The following AMBRA1 variants were observed in gnomAD, a reference collection of about 807,000 sequenced individuals.
AMBRA1 encodes activating molecule in BECN1-regulated autophagy protein 1.
A neutral mutation model predicts 125.4 loss-of-function variants in AMBRA1; 47 were observed. The observed-to-expected ratio is 0.37, with a 90% CI of 0.30 to 0.48. The LOEUF (loss-of-function observed/expected upper bound fraction) is 0.48. Among genes scored for constraint, AMBRA1 ranks in the 20% least tolerant of loss-of-function variants. The pLI is 0.99. For synonymous variants in AMBRA1, 626 were observed against 655.5 expected (o/e 0.95, Z 0.69); for missense variants, 1,331 against 1,693.4 (o/e 0.79, Z 3.76).
intron 1 of AMBRA1, among the ~76,000 whole-genome samples, chr11:46,585,696 ATAT>A (rs1404153405): frequency 2.5e-3 from 41 of 16,100 alleles, no homozygotes; most frequent in African/African-American, 0.01. Context: ...AAAAAAAAAA[ATAT>A]ATATATATAT....
intron 17 of AMBRA1, among the ~76,000 whole-genome samples, chr11:46,404,083 G>A (rs1231819956): frequency 1.3e-5 from 2 of 152,232 alleles, no homozygotes; most frequent in East Asian, 1.9e-4. Context: ...GCGTGTGCCA[G>A]GAGGCTGAGG....
chr11:46,568,150 AAAAAT>A (rs758524915), intron 1 of AMBRA1, among the ~76,000 whole-genome samples: 11 of 151,698 alleles, frequency 7.3e-5, no homozygotes, highest in Non-Finnish European at 1.0e-4. Context: ...TCTGTCTTAA[AAAAAT>A]AAAATAAAAT....
intron 1 of AMBRA1, among the ~76,000 whole-genome samples, chr11:46,565,592 A>C (rs2135254547): frequency 6.6e-6 from 1 of 152,126 alleles, no homozygotes; most frequent in East Asian, 1.9e-4. Flanking sequence ...CTGCGGTCCC[A>C]GTTACTTAGG....
At chr11:46,591,795 T>C (rs911642665) in intron 1 of AMBRA1, among the ~76,000 whole-genome samples, 4 of 151,558 alleles carry the variant, frequency 2.6e-5, no homozygotes, top group African/African-American at 9.7e-5. Context: ...CGGAGAAGTT[T>C]GCAGTGAGCC....
chr11:46,576,473 T>A (rs2043964480), intron 1 of AMBRA1, among the ~76,000 whole-genome samples: 1 of 152,198 alleles, frequency 6.6e-6, no homozygotes, highest in African/African-American at 2.4e-5. Flanking sequence ...GTCCCAGGGT[T>A]ATCAGGGACC....
chr11:46,544,715 A>T (rs1364671256), intron 5 of AMBRA1, among the ~76,000 whole-genome samples: 1 of 152,206 alleles, frequency 6.6e-6, no homozygotes, highest in East Asian at 1.9e-4. Context: ...TTTGAAACTA[A>T]AAGAGAGTCT....
chr11:46,428,784 C>T (rs1565148558), intron 14 of AMBRA1: 2 of 1,611,188 alleles, frequency 1.2e-6, no homozygotes, highest in Non-Finnish European at 1.7e-6. Context: ...GTATCTCTGT[C>T]AGCTTCCCCT....
chr11:46,439,823 A>G (rs939272042), intron 12 of AMBRA1, among the ~76,000 whole-genome samples: 3 of 152,250 alleles, frequency 2.0e-5, no homozygotes, highest in Non-Finnish European at 4.4e-5. Context: ...GGACAGGTCA[A>G]GAGAAGGGAA....
At chr11:46,404,728 G>T (rs913868395) in intron 17 of AMBRA1, among the ~76,000 whole-genome samples, 5 of 152,128 alleles carry the variant, frequency 3.3e-5, no homozygotes, top group African/African-American at 1.2e-4. Context: ...CAGGAGGAGG[G>T]GATAGTGGGG....
intron 7 of AMBRA1, among the ~76,000 whole-genome samples, chr11:46,525,059 G>C (rs1003361771): frequency 1.3e-5 from 2 of 152,196 alleles, no homozygotes; most frequent in African/African-American, 4.8e-5. Flanking sequence ...CAGCACTTTG[G>C]GAGGCTGAGG....
At chr11:46,489,356 G>A (rs1950384685) in intron 11 of AMBRA1, among the ~76,000 whole-genome samples, 1 of 152,130 alleles carries the variant, frequency 6.6e-6, no homozygotes, top group South Asian at 2.1e-4. Context: ...ACGTTAGCCA[G>A]GATGGTCTCA....
At chr11:46,428,118 G>C (rs1419918809) in intron 14 of AMBRA1, among the ~76,000 whole-genome samples, 1 of 150,112 alleles carries the variant, frequency 6.7e-6, no homozygotes, top group Non-Finnish European at 1.5e-5. Flanking sequence ...AGGGAGAAGG[G>C]GTATAAAGGG....
intron 1 of AMBRA1, among the ~76,000 whole-genome samples, chr11:46,578,979 T>C (rs1591177753): frequency 1.2e-5 from 1 of 84,546 alleles, no homozygotes; most frequent in South Asian, 3.1e-4. Flanking sequence ...AACAAGTGAA[T>C]GAATAAAGAG....
At chr11:46,478,975 G>C (rs558253980) in intron 11 of AMBRA1, among the ~76,000 whole-genome samples, 1 of 152,274 alleles carries the variant, frequency 6.6e-6, no homozygotes, top group East Asian at 1.9e-4. Context: ...AAGGTGGTAG[G>C]ATCGCTTGAG....
chr11:46,493,207 A>G (rs777900122), intron 11 of AMBRA1, among the ~76,000 whole-genome samples: 16 of 152,194 alleles, frequency 1.1e-4, no homozygotes, highest in Non-Finnish European at 2.4e-4. Context: ...TGCTGGCAGT[A>G]CCAAAGGAGT....
intron 7 of AMBRA1, among the ~76,000 whole-genome samples, chr11:46,532,199 T>C (rs991646705): frequency 7.2e-5 from 11 of 152,124 alleles, no homozygotes; most frequent in Non-Finnish European, 1.5e-4. Flanking sequence ...TCCAATCACT[T>C]AATAAGACAC....
At chr11:46,546,901 T>A in intron 4 of AMBRA1, 2 of 397,036 alleles carry the variant, frequency 5.0e-6, no homozygotes, top group Non-Finnish European at 9.0e-6. Context: ...TGAATCCCCG[T>A]CTCTACTAAA....
chr11:46,459,573 T>C (rs1387381644), intron 11 of AMBRA1, among the ~76,000 whole-genome samples: 1 of 152,008 alleles, frequency 6.6e-6, no homozygotes, highest in African/African-American at 2.4e-5. Flanking sequence ...TAGCTGGGCA[T>C]GGTGGCAGGT....
intron 11 of AMBRA1, among the ~76,000 whole-genome samples, chr11:46,447,426 T>G (rs770852598): frequency 6.6e-6 from 1 of 152,074 alleles, no homozygotes; most frequent in Non-Finnish European, 1.5e-5. Flanking sequence ...TCTCAGTTAC[T>G]TGGGATGCTG....
Sources: gnomAD v4.1 joint callset for allele counts (sites outside exome capture counted in the v4.1 genomes callset) on GRCh38, gnomAD v4.1.1 for gene constraint, MANE v1.5 for transcripts, NCBI Gene and HGNC (gene_info 2026-07-23, HGNC 2026-07-21) for gene names.